TRAPPC9: variants seen among roughly 807,000 people sequenced by gnomAD.
TRAPPC9 encodes the protein trafficking protein particle complex subunit 9.
A neutral mutation model predicts 124.0 loss-of-function variants in TRAPPC9; 83 were observed. The observed-to-expected ratio is 0.67, with a 90% CI of 0.56 to 0.80. TRAPPC9 has a LOEUF of 0.80. Among genes scored for constraint, TRAPPC9 ranks in the 30% least tolerant of loss-of-function variants. TRAPPC9 has a pLI of 0.00. For missense variants in TRAPPC9, 1,302 were observed against 1,508.3 expected, an observed-to-expected ratio of 0.86 and a Z score of 2.27; for synonymous variants, 638 against 617.5, an observed-to-expected ratio of 1.03 and a Z score of -0.49.
Position 140,360,159 on chromosome 8 carries a change from A to G in TRAPPC9, c.1386T>C (p.Arg462=). Residue 462 remains arginine (R), a synonymous_variant, in exon 9 of 23, where the codon CGT becomes CGC. Coordinates refer to ENST00000438773, the MANE Select transcript of TRAPPC9 (RefSeq NM_001160372.4). The part of the protein sequence containing the change: ...THRGWAAVQM[R]LLHELVYASR... ...AGGCGTAGACCAATTCATGGAGCAA[A>G]CGCATCTGGACCGCAGCCCAGCCTC... The G allele has an allele frequency of 6.2e-7, 1 of 1,614,180 alleles. No individual in the cohort carries two copies. The highest frequency in any genetic ancestry group is 1.1e-5 in the South Asian group (1 of 91,080).
At chr8:139,936,747 AG>A (rs1833549946) in intron 19 of TRAPPC9, among the ~76,000 whole-genome samples, 1 of 59,846 alleles carries the variant, frequency 1.7e-5, no homozygotes, top group African/African-American at 7.3e-5. Flanking sequence ...GGGAGAGAAT[AG>A]GGGAGTGGGC....
rs529443637 is a variant in TRAPPC9 at position 139,977,821 on chromosome 8, C to G, written c.2810+10905G>C. Reference sequence around the variant, plus strand: ...TTAGCCTCCCGAATAGCTGAGATTACAGGTGTGTGCCACCACGCCCGGCTA... The same window carrying G: ...TTAGCCTCCCGAATAGCTGAGATTAGAGGTGTGTGCCACCACGCCCGGCTA... On this transcript the variant is annotated intron_variant, in intron 19 of 22. Transcript: ENST00000438773. 5.4e-4 allele frequency among the ~76,000 whole-genome samples: 82 copies of G among 151,874 alleles called. 1 individual carries two copies. Among genetic ancestry groups the G allele is most frequent in the African/African-American group, 1.8e-3 (75 of 41,474 alleles).
At chr8:139,771,672 C>T (rs1392137883) in intron 21 of TRAPPC9, among the ~76,000 whole-genome samples, 2 of 152,212 alleles carry the variant, frequency 1.3e-5, no homozygotes, top group South Asian at 2.1e-4. Context: ...GAGTGGTAGG[C>T]GCTGAGGACC....
chr8:139,851,207 T>C (rs569861552), intron 21 of TRAPPC9, among the ~76,000 whole-genome samples: 1 of 152,322 alleles, frequency 6.6e-6, no homozygotes. Context: ...CAACGTACAA[T>C]GGGAGCCGAG....
At chr8:140,187,787 A>G (rs1239554789) in intron 17 of TRAPPC9, among the ~76,000 whole-genome samples, 1 of 151,308 alleles carries the variant, frequency 6.6e-6, no homozygotes, top group African/African-American at 2.4e-5. Flanking sequence ...TGATCCTCCC[A>G]CCTCTGCCTC....
At chr8:139,945,055 C>T (rs769165857) in intron 19 of TRAPPC9, among the ~76,000 whole-genome samples, 21 of 152,164 alleles carry the variant, frequency 1.4e-4, no homozygotes, top group Non-Finnish European at 1.8e-4. Flanking sequence ...ACTCAGGAAG[C>T]GGAGGTTTCA....
chr8:140,105,921 G>A (rs111970509), intron 17 of TRAPPC9, among the ~76,000 whole-genome samples: 114 of 152,094 alleles, frequency 7.5e-4, no homozygotes, highest in African/African-American at 2.6e-3. Context: ...TGGCAGAAGG[G>A]TCTGTCTCTC....
rs1249026795 is a variant in TRAPPC9, at chr8:140,266,847, G to A, written c.2278+8811C>T. Among the ~76,000 whole-genome samples, 3 of 151,900 alleles carry A rather than the reference G, an allele frequency of 2.0e-5. No individual in the cohort carries two copies. The East Asian group carries it at 5.8e-4, about 29-fold the overall frequency. ...TGCACTCCAGCCTGGGCGACAGAGC[G>A]AGACTCCATCTCAACAACAACAAAA... On this transcript the variant is annotated intron_variant, in intron 15 of 22. Coordinates refer to ENST00000438773, the MANE Select transcript of TRAPPC9 (RefSeq NM_001160372.4).
At chr8:140,310,089 C>T (rs1463180717) in intron 10 of TRAPPC9, among the ~76,000 whole-genome samples, 1 of 152,224 alleles carries the variant, frequency 6.6e-6, no homozygotes, top group Non-Finnish European at 1.5e-5. Flanking sequence ...ACTATACTTG[C>T]CTTCAAAGAA....
intron 17 of TRAPPC9, among the ~76,000 whole-genome samples, chr8:140,037,879 AACACACACAC>A (rs10560088): frequency 1.1e-5 from 1 of 90,564 alleles, no homozygotes; most frequent in African/African-American, 3.3e-5. Context: ...ACACACCTCC[AACACACACAC>A]ACACACACAC....
chr8:139,876,065 A>C (rs909559529), intron 21 of TRAPPC9, among the ~76,000 whole-genome samples: 2 of 152,232 alleles, frequency 1.3e-5, no homozygotes, highest in Non-Finnish European at 2.9e-5. Flanking sequence ...GAATGTATTC[A>C]GCAACTCGTA....
chr8:139,745,310 T>C (rs1818816723), intron 21 of TRAPPC9, among the ~76,000 whole-genome samples: 1 of 152,208 alleles, frequency 6.6e-6, no homozygotes, highest in African/African-American at 2.4e-5. Context: ...AGCTTCTGCT[T>C]CCTTGTCTAA....
chr8:140,104,570 C>T lies in TRAPPC9; in HGVS notation c.2557-80491G>A, dbSNP rs1454097632. On this transcript the variant is annotated intron_variant, in intron 17 of 22. Transcript: ENST00000438773. The surrounding 1 kb of genome is among the most constrained non-coding windows in gnomAD (Gnocchi z 4.0). ...CAGATGAAAGAGGCCAAGTTTCTCC[C>T]GATATTTTCAGCCACAGTCTGAAAT... is the stretch of plus-strand genomic sequence containing the variant. 2.6e-5 allele frequency among the ~76,000 whole-genome samples: 4 copies of T among 152,052 alleles called. No individual in the cohort carries two copies. The highest frequency in any genetic ancestry group is 4.8e-5 in the African/African-American group (2 of 41,406).
chr8:140,435,154 C>T lies in TRAPPC9; in HGVS notation c.817G>A (p.Gly273Ser). The T allele has an allele frequency of 1.2e-6, 2 of 1,614,148 alleles. No individual in the cohort carries two copies. The highest frequency in any genetic ancestry group is 8.5e-7 in the Non-Finnish European group (1 of 1,180,040). ...GCTGCTTCAGCAGGAAGGGTGCTGC[C>T]CTGGAACCTCCGAGCTCCACTCTTC... is the stretch of plus-strand genomic sequence containing the variant. The part of the protein sequence containing the change: ...GGKSGARRFQ[G>S]STLPAEAANR... Residue 273 changes from glycine to serine, a missense_variant, in exon 4 of 23, where the codon GGC (glycine) becomes AGC (serine). This residue lies in a region of TRAPPC9 where 657 missense variants were observed against 811.2 expected (regional missense o/e 0.81). Coordinates refer to ENST00000438773, the MANE Select transcript of TRAPPC9 (RefSeq NM_001160372.4).
intron 17 of TRAPPC9, among the ~76,000 whole-genome samples, chr8:140,122,444 A>G (rs1037618180): frequency 1.4e-4 from 22 of 152,228 alleles, no homozygotes; most frequent in Non-Finnish European, 2.5e-4. Context: ...GTTGTTAGAA[A>G]GCAATAGATA....
At chr8:139,735,771 A>AC (rs1818122476) in intron 21 of TRAPPC9, among the ~76,000 whole-genome samples, 1 of 151,726 alleles carries the variant, frequency 6.6e-6, no homozygotes, top group African/African-American at 2.4e-5. Context: ...TGCCTGTTTA[A>AC]CCCTTCCTAG....
chr8:139,755,659 T>C (rs1380458161), intron 21 of TRAPPC9, among the ~76,000 whole-genome samples: 2 of 126,556 alleles, frequency 1.6e-5, no homozygotes, highest in Non-Finnish European at 3.2e-5. Flanking sequence ...GGTTGGGGTA[T>C]AAGGACAGCA....
At chr8:139,993,633 G>C (rs539958292) in intron 18 of TRAPPC9, among the ~76,000 whole-genome samples, 20 of 152,172 alleles carry the variant, frequency 1.3e-4, no homozygotes, top group Non-Finnish European at 2.8e-4. Flanking sequence ...TTTTAACTAA[G>C]TGCACATCAA....
rs539028800 is a variant in TRAPPC9, at chr8:140,116,287, G to C, written c.2557-92208C>G. ...TCATGCTGGCAGCTATCTGGAAGCT[G>C]GACAGGGTTTATTTTGCACCTGTTA... On this transcript the variant is annotated intron_variant, in intron 17 of 22. Coordinates refer to ENST00000438773, the MANE Select transcript of TRAPPC9 (RefSeq NM_001160372.4). Among the ~76,000 whole-genome samples, 10 of 152,286 alleles carry C rather than the reference G, an allele frequency of 6.6e-5. No individual in the cohort carries two copies. In the South Asian group the frequency reaches 2.1e-3, roughly 32 times the overall value.
Sources: allele counts gnomAD v4.1 joint callset (sites outside exome capture counted in the v4.1 genomes callset), GRCh38; gene constraint gnomAD v4.1.1; regional missense constraint gnomAD v4.1.1; non-coding constraint Gnocchi (gnomAD v3.1); transcripts MANE v1.5; gene names NCBI Gene and HGNC (gene_info 2026-07-23, HGNC 2026-07-21).